CCDC191: variants seen among roughly 807,000 people sequenced by gnomAD.
CCDC191 encodes coiled-coil domain-containing protein 191.
In CCDC191, 99 loss-of-function variants were observed where a neutral mutation model predicts 114.0. The ratio of observed to expected loss-of-function variants is 0.87; its 90% CI spans 0.74 to 1.03. The LOEUF is 1.03. Among genes scored for constraint, CCDC191 ranks in the 50% least tolerant of loss-of-function variants. The pLI, the probability that CCDC191 is intolerant of heterozygous loss-of-function variation, is 0.00. For missense variants in CCDC191, 973 were observed against 1,087.0 expected (o/e 0.90, Z 1.47); for synonymous variants, 351 against 376.0 (o/e 0.93, Z 0.77).
intron 8 of CCDC191, among the ~76,000 whole-genome samples, chr3:114,012,357 T>C (rs979348041): frequency 6.6e-6 from 1 of 152,214 alleles, no homozygotes; most frequent in Non-Finnish European, 1.5e-5. Flanking sequence ...TATTTCATTA[T>C]ATTTAATTGT....
chr3:114,046,943 C>T (rs992133273), intron 2 of CCDC191: 2 of 958,120 alleles, frequency 2.1e-6, no homozygotes, highest in Non-Finnish European at 1.2e-6. Context: ...AGTATTTTAC[C>T]AAGTTCTAAC....
chr3:114,022,801 A>G (rs1453402617), intron 7 of CCDC191, among the ~76,000 whole-genome samples: 1 of 151,990 alleles, frequency 6.6e-6, no homozygotes, highest in African/African-American at 2.4e-5. Context: ...GAGGAAGGAG[A>G]AAAAAAATTA....
chr3:113,967,202 G>A (rs1004262145), intron 16 of CCDC191, among the ~76,000 whole-genome samples: 2 of 152,060 alleles, frequency 1.3e-5, no homozygotes, highest in East Asian at 1.9e-4. Flanking sequence ...TCCTGTGCTC[G>A]GCTGTGGGCA....
intron 14 of CCDC191, 94 bp downstream of exon 14, chr3:113,980,556 A>G: frequency 8.4e-7 from 1 of 1,191,964 alleles, no homozygotes. Context: ...GCTTTAAATC[A>G]CCAAACCCTA....
chr3:114,024,852 T>A (rs891071411), intron 7 of CCDC191, among the ~76,000 whole-genome samples: 12 of 152,104 alleles, frequency 7.9e-5, no homozygotes, highest in African/African-American at 2.6e-4. Context: ...AAGTATAATT[T>A]AAAAAAATGA....
At chr3:114,054,242 G>A (rs1446977636) in intron 1 of CCDC191, 1 of 152,110 alleles carries the variant, frequency 6.6e-6, no homozygotes, top group Middle Eastern at 3.4e-3. Context: ...AAACCATCAG[G>A]GCATTTCCTT....
intron 14 of CCDC191, 84 bp from the exon 15 acceptor site, chr3:113,979,094 T>A: frequency 7.7e-7 from 1 of 1,291,848 alleles, no homozygotes; most frequent in Non-Finnish European, 1.1e-6. Flanking sequence ...AATGATGCTA[T>A]AAAACACATT....
At chr3:113,978,048 G>C in intron 16 of CCDC191, 138 bp downstream of exon 16, 1 of 859,414 alleles carries the variant, frequency 1.2e-6, no homozygotes, top group Non-Finnish European at 1.8e-6. Flanking sequence ...CTGGTGAGCC[G>C]GGACTCCCAC....
At chr3:113,997,081 T>C (rs527432930) in intron 13 of CCDC191, among the ~76,000 whole-genome samples, 1 of 152,318 alleles carries the variant, frequency 6.6e-6, no homozygotes, top group Non-Finnish European at 1.5e-5. Context: ...AACACTGTAC[T>C]GTATTTGGTA....
intron 7 of CCDC191, among the ~76,000 whole-genome samples, chr3:114,025,799 T>G (rs1391532271): frequency 1.3e-5 from 2 of 152,164 alleles, no homozygotes; most frequent in Non-Finnish European, 2.9e-5. Flanking sequence ...CCAAAATCCC[T>G]GTTACCTGCC....
intron 10 of CCDC191, 143 bp from the exon 11 acceptor site, chr3:114,004,889 A>G: frequency 5.9e-6 from 5 of 845,648 alleles, no homozygotes; most frequent in Non-Finnish European, 8.7e-6. Flanking sequence ...CACTCCATAA[A>G]TATGTGTAAT....
intron 12 of CCDC191, 92 bp from the exon 13 acceptor site, chr3:114,001,788 G>A (rs2075861258): frequency 6.8e-7 from 1 of 1,478,794 alleles, no homozygotes; most frequent in Non-Finnish European, 9.2e-7. Context: ...GTCTACCAAA[G>A]TGCCTGTCCT....
intron 9 of CCDC191, among the ~76,000 whole-genome samples, chr3:114,008,273 A>T (rs894294857): frequency 6.6e-6 from 1 of 151,346 alleles, no homozygotes; most frequent in Non-Finnish European, 1.5e-5. Flanking sequence ...TTGGGTCTCA[A>T]TGGAGACAAA....
At chr3:114,012,105 C>T (rs1291296652) in intron 8 of CCDC191, among the ~76,000 whole-genome samples, 1 of 152,252 alleles carries the variant, frequency 6.6e-6, no homozygotes, top group East Asian at 1.9e-4. Context: ...TCATAAAGTT[C>T]TTAACTCAGT....
intron 10 of CCDC191, among the ~76,000 whole-genome samples, chr3:114,005,178 A>C (rs2075928892): frequency 6.6e-6 from 1 of 152,182 alleles, no homozygotes; most frequent in African/African-American, 2.4e-5. Context: ...TGTGGACCTG[A>C]TGTTGTCTGA....
At chr3:114,029,774 T>A (rs1011520763) in intron 7 of CCDC191, among the ~76,000 whole-genome samples, 2 of 152,094 alleles carry the variant, frequency 1.3e-5, no homozygotes, top group Non-Finnish European at 2.9e-5. Context: ...CAAAAATGCA[T>A]AACCTTAAGC....
intron 2 of CCDC191, among the ~76,000 whole-genome samples, chr3:114,052,917 T>C (rs2076715731): frequency 1.3e-5 from 2 of 152,202 alleles, no homozygotes; most frequent in Admixed American, 6.5e-5. Context: ...ACACGATGAA[T>C]TGAATATGGC....
intron 13 of CCDC191, chr3:113,984,549 T>C (rs1465247630): frequency 6.6e-6 from 1 of 152,074 alleles, no homozygotes; most frequent in Non-Finnish European, 1.5e-5. Flanking sequence ...AAAATCTGAG[T>C]GGAGAAGCAC....
intron 16 of CCDC191, among the ~76,000 whole-genome samples, chr3:113,974,926 T>C (rs1941181261): frequency 6.6e-6 from 1 of 152,112 alleles, no homozygotes; most frequent in African/African-American, 2.4e-5. Context: ...CCAGGGGCCA[T>C]GTTATTAGGT....
Sources: allele counts gnomAD v4.1 joint callset (sites outside exome capture counted in the v4.1 genomes callset), GRCh38; gene constraint gnomAD v4.1.1; transcripts MANE v1.5; gene names NCBI Gene and HGNC (gene_info 2026-07-23, HGNC 2026-07-21).